NEDD1: variants seen among roughly 807,000 people sequenced by gnomAD.
The protein encoded by NEDD1 is protein NEDD1.
NEDD1 carries 33 observed loss-of-function variants against 74.0 expected under a neutral mutation model. The observed-to-expected ratio is 0.45, with a 90% CI of 0.34 to 0.60. The LOEUF is 0.60. Ranked by LOEUF, NEDD1 falls within the 20% of genes least tolerant of loss-of-function variation. NEDD1 has a pLI of 0.01. For synonymous variants in NEDD1, 250 were observed against 264.4 expected (o/e 0.95, Z 0.53); for missense variants, 746 against 776.5 (o/e 0.96, Z 0.47).
At position 96,945,810 on chromosome 12, in the gene NEDD1, T is replaced by G; in HGVS notation, c.1772T>G (p.Phe591Cys). Residue 591 changes from phenylalanine (F) to cysteine (C), a missense_variant, in exon 14 of 16, where the codon TTT (phenylalanine) becomes TGT (cysteine). By Grantham distance (205) the Phe-to-Cys change is radical (BLOSUM62 -2). Coordinates refer to ENST00000266742, the MANE Select transcript of NEDD1 (RefSeq NM_152905.4). The part of the protein sequence containing the change: ...NAPLTSIQIR[F>C]IQNMIQETLD... ...CCATTGACTTCCATTCAAATTCGTTTTATTCAGAACATGATACAGGAAACG... is the reference window on the plus strand; with the variant it reads ...CCATTGACTTCCATTCAAATTCGTTGTATTCAGAACATGATACAGGAAACG... 1.2e-6 allele frequency: 2 copies of G among 1,612,502 alleles called. No individual in the cohort carries two copies. The highest frequency in any genetic ancestry group is 1.7e-6 in the Non-Finnish European group (2 of 1,178,640).
In NEDD1 at chr12:96,930,241, T is replaced by A. The variant is rs926699740; in HGVS notation, c.490-4735T>A. Among the ~76,000 whole-genome samples, 26 of 151,038 alleles carry A rather than the reference T, an allele frequency of 1.7e-4. 2 individuals are homozygous for A. The highest frequency in any genetic ancestry group is 9.2e-4 in the Admixed American group (14 of 15,146). On this transcript the variant is annotated intron_variant, in intron 6 of 15. Transcript: ENST00000266742. Reference sequence around the variant, plus strand: ...CTCTCTCTCTCTCTCTCTCTCTCTCTCTCACACTCTCACATGCTGTGTTGG... The same window carrying A: ...CTCTCTCTCTCTCTCTCTCTCTCTCACTCACACTCTCACATGCTGTGTTGG...
intron 6 of NEDD1, among the ~76,000 whole-genome samples, chr12:96,932,461 A>AAAAAATAT (rs1555203240): frequency 1.5e-3 from 18 of 12,218 alleles, no homozygotes; most frequent in Non-Finnish European, 2.7e-3. Flanking sequence ...AAAAAAAAAA[A>AAAAAATAT]AAATATATAT....
rs1226288107 is a variant in NEDD1 at position 96,937,209 on chromosome 12, T to G, written c.933T>G (p.Asn311Lys). The G allele has an allele frequency of 5.6e-6, 9 of 1,594,020 alleles. No individual in the cohort carries two copies. The highest frequency in any genetic ancestry group is 6.8e-6 in the Non-Finnish European group (8 of 1,169,208). Residue 311 changes from asparagine to lysine, a missense_variant, in exon 9 of 16, where the codon AAT becomes AAG. By Grantham distance (94) the Asn-to-Lys change is moderately conservative. Transcript: ENST00000266742. ...CCATTACATTTCAGTCAAGTTTAAA[T>G]AAAGGCTGTTCAAATAAGCCCACAA... is the stretch of plus-strand genomic sequence containing the variant. ...YSTVLTKSSL[N>K]KGCSNKPTTV...
At chr12:96,950,275 C>G (rs1241792211) in intron 14 of NEDD1, among the ~76,000 whole-genome samples, 3 of 151,912 alleles carry the variant, frequency 2.0e-5, no homozygotes, top group African/African-American at 7.2e-5. Flanking sequence ...TCTGGTAATA[C>G]TAAGTCTTGA....
In NEDD1 at chr12:96,907,798, C is replaced by A; in HGVS notation, c.-67C>A. The A allele has an allele frequency of 6.7e-7, 1 of 1,486,262 alleles. No homozygotes were observed. The allele number at this position is 1,486,262 out of a possible 1,614,324, so 92.1% of individuals were successfully genotyped here. A position where few individuals can be genotyped will look rare whatever the true frequency, so the allele number is the denominator to read the frequency against. ...CCTGACTGCTAGCTTTCGACGGGAC[C>A]GTCTTTGAGGGACTCATGTAAAGTC... On this transcript the variant is annotated 5_prime_UTR_variant, in exon 2 of 16. Transcript: ENST00000266742.
At chr12:96,944,601 A>T (rs750084548) in intron 12 of NEDD1, 38 bp from the exon 13 acceptor site, 2 of 1,339,010 alleles carry the variant, frequency 1.5e-6, no homozygotes, top group Non-Finnish European at 2.0e-6. Flanking sequence ...GAGTAAAAAA[A>T]TTGTATATTA....
At chr12:96,951,590 T>C (rs1036827421) in intron 15 of NEDD1, 92 bp downstream of exon 15, 2 of 662,126 alleles carry the variant, frequency 3.0e-6, no homozygotes, top group Non-Finnish European at 5.1e-6. Flanking sequence ...ATTTTAGTTG[T>C]TTTGTTTAGT....
chr12:96,907,401 G>A, intron 1 of NEDD1, 101 bp downstream of exon 1: 1 of 484,208 alleles, frequency 2.1e-6, no homozygotes, highest in Non-Finnish European at 3.6e-6. Context: ...AGGGCGGGGC[G>A]GCGGTCCTTG....
In NEDD1 at chr12:96,942,635, C is replaced by G; in HGVS notation, c.1294+11C>G. The G allele has an allele frequency of 7.3e-7, 1 of 1,373,042 alleles. No homozygotes were observed. Among genetic ancestry groups the G allele is most frequent in the Non-Finnish European group, 1.0e-6 (1 of 962,452 alleles). 85.1% of individuals were successfully genotyped at this position (1,373,042 alleles called of 1,614,324 possible). On this transcript the variant is annotated intron_variant, in intron 11 of 15. Coordinates refer to ENST00000266742, the MANE Select transcript of NEDD1 (RefSeq NM_152905.4). ...TAGGCAAAGGAGATGGTAAGAACTA[C>G]TTAGAAGTATTTTCGTGAAAATGAA...
chr12:96,910,477 A>G (rs565138135), intron 3 of NEDD1, among the ~76,000 whole-genome samples: 1 of 152,312 alleles, frequency 6.6e-6, no homozygotes, highest in Non-Finnish European at 1.5e-5. Flanking sequence ...TAAGCTTTTT[A>G]TGTTTCTGAT....
At chr12:96,925,135 C>T (rs978666315) in intron 6 of NEDD1, among the ~76,000 whole-genome samples, 2 of 151,648 alleles carry the variant, frequency 1.3e-5, no homozygotes, top group African/African-American at 4.8e-5. Flanking sequence ...CAATAAACTG[C>T]GGAGTTCCAA....
chr12:96,938,810 C>T (rs1033982982), intron 9 of NEDD1, among the ~76,000 whole-genome samples: 4 of 121,626 alleles, frequency 3.3e-5, no homozygotes, highest in Non-Finnish European at 5.5e-5. Flanking sequence ...CTTCCTCTCT[C>T]TGTCTCTCAT....
At chr12:96,920,218 G>C in intron 6 of NEDD1, 93 bp downstream of exon 6, 1 of 757,822 alleles carries the variant, frequency 1.3e-6, no homozygotes. Flanking sequence ...TGAAATGCTT[G>C]ATTGAAAAAC....
At chr12:96,946,660 T>C (rs949720949) in intron 14 of NEDD1, among the ~76,000 whole-genome samples, 5 of 152,254 alleles carry the variant, frequency 3.3e-5, no homozygotes, top group Non-Finnish European at 1.5e-5. Flanking sequence ...TCAAATGATC[T>C]GCCACAAAGG....
intron 6 of NEDD1, among the ~76,000 whole-genome samples, chr12:96,927,211 A>G (rs1462712474): frequency 2.0e-5 from 3 of 152,202 alleles, no homozygotes; most frequent in Non-Finnish European, 2.9e-5. Context: ...ACAAATTTCA[A>G]ATCTTTAAAA....
intron 6 of NEDD1, among the ~76,000 whole-genome samples, 161 bp from the exon 7 acceptor site, chr12:96,934,815 G>A (rs113893590): frequency 8.5e-5 from 13 of 152,276 alleles, no homozygotes; most frequent in African/African-American, 2.6e-4. Flanking sequence ...TGGGATTACA[G>A]GCGTGAGCCA....
chr12:96,937,037 A>G (rs1040595061), intron 8 of NEDD1, among the ~76,000 whole-genome samples, 161 bp from the exon 9 acceptor site: 1 of 151,054 alleles, frequency 6.6e-6, no homozygotes, highest in Admixed American at 6.6e-5. Context: ...AAAGTATTTT[A>G]AAAGACATTT....
chr12:96,908,079 C>A (rs751358780), intron 2 of NEDD1, among the ~76,000 whole-genome samples: 2 of 152,144 alleles, frequency 1.3e-5, no homozygotes, highest in Non-Finnish European at 2.9e-5. Flanking sequence ...GCTTAGAGCT[C>A]GCTTTTCCAG....
At chr12:96,921,998 A>T (rs566917586) in intron 6 of NEDD1, among the ~76,000 whole-genome samples, 1 of 152,180 alleles carries the variant, frequency 6.6e-6, no homozygotes, top group Non-Finnish European at 1.5e-5. Flanking sequence ...TATAGGACCA[A>T]TGTGAGAAAA....
Sources: gnomAD v4.1 joint callset for allele counts (sites outside exome capture counted in the v4.1 genomes callset) on GRCh38, gnomAD v4.1.1 for gene constraint, MANE v1.5 for transcripts, NCBI Gene and HGNC (gene_info 2026-07-23, HGNC 2026-07-21) for gene names.